The following ERI3 variants were observed in gnomAD, a reference collection of about 807,000 sequenced individuals.
The protein encoded by ERI3 is ERI1 exoribonuclease family member 3.
Under a neutral mutation model 44.4 loss-of-function variants are expected in ERI3, and 18 were observed. That is an observed-to-expected ratio of 0.41 (90% CI 0.28 to 0.60). ERI3 has a LOEUF of 0.60. Ranked by LOEUF, ERI3 falls within the 20% of genes least tolerant of loss-of-function variation. ERI3 has a pLI of 0.36. For synonymous variants in ERI3, 183 were observed against 164.8 expected, an observed-to-expected ratio of 1.11 and a Z score of -0.84; for missense variants, 294 against 435.5, an observed-to-expected ratio of 0.68 and a Z score of 2.89.
At position 44,241,254 on chromosome 1, in the gene ERI3, G is replaced by A. The variant is rs982576274; in HGVS notation, c.931+6685C>T. 6.6e-6 allele frequency among the ~76,000 whole-genome samples: 1 copy of A among 152,150 alleles called. No homozygotes were observed. The highest frequency in any genetic ancestry group is 1.5e-5 in the Non-Finnish European group (1 of 68,016). ...TATTGTGTTTTCAGGGAGTGAAGGT[G>A]GGGAGAGGGGATAAGGAGGAAAATA... On this transcript the variant is annotated intron_variant, in intron 8 of 8. Transcript: ENST00000372257. This position sits in a 1 kb window ranked among gnomAD's most constrained non-coding sequence, Gnocchi z 5.6.
chr1:44,247,439 C>A (rs753924176), intron 8 of ERI3, among the ~76,000 whole-genome samples: 1 of 152,180 alleles, frequency 6.6e-6, no homozygotes, highest in Non-Finnish European at 1.5e-5. Context: ...GCTGCTCCTG[C>A]GGGGGAGTCA....
chr1:44,322,647 G>T (rs1430176573), intron 3 of ERI3: 1 of 1,466,192 alleles, frequency 6.8e-7, no homozygotes, highest in Non-Finnish European at 9.1e-7. Flanking sequence ...GAGCTACTGA[G>T]GATGCAAAAG....
At chr1:44,236,370 C>G (rs1018306099) in intron 8 of ERI3, among the ~76,000 whole-genome samples, 16 of 152,184 alleles carry the variant, frequency 1.1e-4, no homozygotes, top group Admixed American at 5.2e-4. Flanking sequence ...AGGCATTAAA[C>G]AACTTTCAAA....
chr1:44,295,646 G>A (rs932795993), intron 6 of ERI3, among the ~76,000 whole-genome samples: 1 of 152,158 alleles, frequency 6.6e-6, no homozygotes, highest in African/African-American at 2.4e-5. Context: ...AAAGGTCCTC[G>A]TGAAGATGTA....
At chr1:44,290,199 G>A in intron 6 of ERI3, among the ~76,000 whole-genome samples, 1 of 152,202 alleles carries the variant, frequency 6.6e-6, no homozygotes, top group East Asian at 1.9e-4. Context: ...TCCAGGACAG[G>A]CACATACTGT....
intron 3 of ERI3, among the ~76,000 whole-genome samples, chr1:44,335,873 T>C (rs1331222132): frequency 3.9e-5 from 6 of 152,092 alleles, no homozygotes; most frequent in Admixed American, 2.6e-4. Flanking sequence ...CTAAGGTGTA[T>C]ACCTTATTCC....
In ERI3 at chr1:44,221,651, G is replaced by A; in HGVS notation, c.932-11C>T. 6.2e-7 allele frequency: 1 copy of A among 1,611,584 alleles called. No homozygotes were observed. The highest frequency in any genetic ancestry group is 8.5e-7 in the Non-Finnish European group (1 of 1,177,690). On this transcript the variant is annotated splice_polypyrimidine_tract_variant and intron_variant, in intron 8 of 8. Coordinates refer to ENST00000372257, the MANE Select transcript of ERI3 (RefSeq NM_024066.3). This position sits in a 1 kb window ranked among gnomAD's most constrained non-coding sequence, Gnocchi z 5.9. ...TGTTCTTGCAGTCGTCTAAAAAGGAGAGAAGACATTTAGATCAGCCCCAGA... is the reference window on the plus strand; with the variant it reads ...TGTTCTTGCAGTCGTCTAAAAAGGAAAGAAGACATTTAGATCAGCCCCAGA...
At chr1:44,289,942 G>C (rs1645471084) in intron 6 of ERI3, among the ~76,000 whole-genome samples, 1 of 152,248 alleles carries the variant, frequency 6.6e-6, no homozygotes, top group African/African-American at 2.4e-5. Context: ...ACCAGCAAAA[G>C]AGCAGGCACC....
intron 8 of ERI3, among the ~76,000 whole-genome samples, chr1:44,233,309 C>G (rs1644228277): frequency 6.6e-6 from 1 of 152,126 alleles, no homozygotes; most frequent in African/African-American, 2.4e-5. Flanking sequence ...ACAATCTTAT[C>G]TCCTACTCCA....
At chr1:44,267,773 G>A (rs10465873) in intron 7 of ERI3, among the ~76,000 whole-genome samples, 2 of 152,168 alleles carry the variant, frequency 1.3e-5, no homozygotes, top group Non-Finnish European at 2.9e-5. Context: ...CCATAAACAC[G>A]CTTGGGTTCA....
chr1:44,281,601 A>AAAAAATATATAT (rs1460400186), intron 7 of ERI3, among the ~76,000 whole-genome samples: 2 of 128,056 alleles, frequency 1.6e-5, no homozygotes, highest in African/African-American at 6.7e-5. Flanking sequence ...AAAAAAAAAA[A>AAAAAATATATAT]ATATATATAT....
intron 7 of ERI3, among the ~76,000 whole-genome samples, chr1:44,270,255 C>G (rs529376011): frequency 6.6e-6 from 1 of 152,230 alleles, no homozygotes; most frequent in African/African-American, 2.4e-5. Context: ...CCACCACACC[C>G]CATCTTTCTC....
intron 3 of ERI3, among the ~76,000 whole-genome samples, chr1:44,333,970 A>G (rs893242295): frequency 6.6e-6 from 1 of 152,248 alleles, no homozygotes; most frequent in Non-Finnish European, 1.5e-5. Context: ...ACCAAACACT[A>G]GAAACCTCAA....
intron 2 of ERI3, among the ~76,000 whole-genome samples, chr1:44,342,388 A>C (rs1646672821): frequency 6.6e-6 from 1 of 152,130 alleles, no homozygotes; most frequent in South Asian, 2.1e-4. Context: ...TGCATATATT[A>C]AGCATAATGG....
At chr1:44,329,759 A>C (rs1646391271) in intron 3 of ERI3, among the ~76,000 whole-genome samples, 1 of 152,210 alleles carries the variant, frequency 6.6e-6, no homozygotes, top group South Asian at 2.1e-4. Context: ...CAACTATAAC[A>C]GCTCTGCCTG....
chr1:44,353,930 A>AC (rs1646945971), intron 1 of ERI3: 15 of 985,394 alleles, frequency 1.5e-5, no homozygotes, highest in Non-Finnish European at 1.8e-5. Context: ...GTTTCTAACC[A>AC]GGATCACAGA....
At chr1:44,296,049 T>C (rs1389360731) in intron 6 of ERI3, among the ~76,000 whole-genome samples, 7 of 152,132 alleles carry the variant, frequency 4.6e-5, no homozygotes, top group Non-Finnish European at 7.4e-5. Flanking sequence ...GGGACTGTGC[T>C]CGTCCTAGCT....
intron 3 of ERI3, among the ~76,000 whole-genome samples, chr1:44,333,595 C>T (rs1376248415): frequency 6.6e-6 from 1 of 152,176 alleles, no homozygotes; most frequent in East Asian, 1.9e-4. Flanking sequence ...TTGGGCAGGG[C>T]GGGGAGGCAG....
At chr1:44,272,602 G>A (rs534086441) in intron 7 of ERI3, among the ~76,000 whole-genome samples, 1 of 152,246 alleles carries the variant, frequency 6.6e-6, no homozygotes, top group East Asian at 1.9e-4. Context: ...AGCACTTTGG[G>A]AGGTTGAGGC....
Sources: allele counts gnomAD v4.1 joint callset (sites outside exome capture counted in the v4.1 genomes callset), GRCh38; gene constraint gnomAD v4.1.1; non-coding constraint Gnocchi (gnomAD v3.1); transcripts MANE v1.5; gene names NCBI Gene and HGNC (gene_info 2026-07-23, HGNC 2026-07-21).